The following DIAPH3 variants were observed in gnomAD, a reference collection of about 807,000 sequenced individuals.
DIAPH3 encodes the protein diaphanous related formin 3, also known as protein diaphanous homolog 3.
Under a neutral mutation model 144.3 loss-of-function variants are expected in DIAPH3, and 117 were observed. The ratio of observed to expected loss-of-function variants is 0.81; its 90% CI spans 0.70 to 0.95. The LOEUF (loss-of-function observed/expected upper bound fraction) is 0.95. Ranked by LOEUF, DIAPH3 falls within the 40% of genes least tolerant of loss-of-function variation. DIAPH3 has a pLI of 0.00. For missense variants in DIAPH3, 1,421 were observed against 1,412.7 expected, an observed-to-expected ratio of 1.01 and a Z score of -0.09; for synonymous variants, 519 against 488.9, an observed-to-expected ratio of 1.06 and a Z score of -0.81.
chr13:59,702,096 C>A (rs1402140361), intron 27 of DIAPH3, among the ~76,000 whole-genome samples: 1 of 152,162 alleles, frequency 6.6e-6, no homozygotes, highest in Non-Finnish European at 1.5e-5. Flanking sequence ...TCTCATCCAA[C>A]CTCAACGAAT....
chr13:60,047,347 A>G (rs894781591), intron 4 of DIAPH3, among the ~76,000 whole-genome samples: 14 of 152,188 alleles, frequency 9.2e-5, no homozygotes, highest in Admixed American at 3.3e-4. Flanking sequence ...TGAAAACTAC[A>G]TTCTAAAATT....
Position 59,691,147 on chromosome 13 carries a change from A to G in DIAPH3, c.3320-24301T>C, listed in dbSNP as rs576803437. On this transcript the variant is annotated intron_variant, in intron 27 of 27. Transcript: ENST00000400324. The stretch of plus-strand genomic sequence containing the variant: ...GAGAATGATGGCAGCAACACACAGG[A>G]AGGCAGGATGGCTGTTAATTATCAG... Among the ~76,000 whole-genome samples the G allele has an allele frequency of 3.3e-5, 5 of 152,262 alleles. No homozygotes were observed. The East Asian group carries it at 9.6e-4, about 29-fold the overall frequency.
At chr13:59,997,136 C>T (rs758897796) in intron 9 of DIAPH3, among the ~76,000 whole-genome samples, 3 of 151,996 alleles carry the variant, frequency 2.0e-5, no homozygotes, top group Non-Finnish European at 4.4e-5. Context: ...ATTCTGCTAT[C>T]AAACATTAAA....
At chr13:60,040,777 T>C (rs1456309209) in intron 5 of DIAPH3, among the ~76,000 whole-genome samples, 1 of 152,168 alleles carries the variant, frequency 6.6e-6, no homozygotes, top group Non-Finnish European at 1.5e-5. Context: ...TGAATCTGCT[T>C]TGTTTATTCA....
At chr13:59,729,306 T>C (rs1484953142) in intron 27 of DIAPH3, among the ~76,000 whole-genome samples, 1 of 152,156 alleles carries the variant, frequency 6.6e-6, no homozygotes, top group Non-Finnish European at 1.5e-5. Context: ...ATTGTCTCTT[T>C]TTTAGTCTAG....
chr13:59,810,862 A>G lies in DIAPH3; in HGVS notation c.3089T>C (p.Ile1030Thr). Residue 1030 changes from isoleucine (I) to threonine (T), a missense_variant, in exon 25 of 28, where the codon ATA becomes ACA. Transcript: ENST00000400324. Reference protein sequence around the residue: ...EAEEKEKRVRIAKELAERERL... With the variant: ...EAEEKEKRVRTAKELAERERL... ...TTCTCGCTCTGCTAATTCTTTAGCT[A>G]TTCTGACACGTTTTTCTTTTTCCTC... 6.2e-7 allele frequency: 1 copy of G among 1,613,276 alleles called. No homozygotes were observed. Among genetic ancestry groups the G allele is most frequent in the East Asian group, 2.2e-5 (1 of 44,806 alleles).
At chr13:60,102,795 G>T (rs965174570) in intron 3 of DIAPH3, among the ~76,000 whole-genome samples, 9 of 152,126 alleles carry the variant, frequency 5.9e-5, no homozygotes, top group African/African-American at 2.2e-4. Context: ...AGTAGTACCT[G>T]GTTGAGGAAT....
chr13:59,857,276 C>G (rs2043311806), intron 22 of DIAPH3, among the ~76,000 whole-genome samples: 1 of 151,918 alleles, frequency 6.6e-6, no homozygotes, highest in African/African-American at 2.4e-5. Flanking sequence ...TAAGTGCTCA[C>G]AGTAGGTGAA....
chr13:59,715,752 A>G (rs915092097), intron 27 of DIAPH3, among the ~76,000 whole-genome samples: 3 of 152,328 alleles, frequency 2.0e-5, no homozygotes, highest in Admixed American at 2.0e-4. Flanking sequence ...GTAACTTTGA[A>G]CAGGGCACAC....
intron 17 of DIAPH3, among the ~76,000 whole-genome samples, chr13:59,944,135 G>T (rs1248169720): frequency 6.6e-6 from 1 of 151,950 alleles, no homozygotes; most frequent in African/African-American, 2.4e-5. Flanking sequence ...GATCCCTTGA[G>T]CCCAGGAATT....
chr13:59,734,022 T>C (rs546664702), intron 27 of DIAPH3, among the ~76,000 whole-genome samples: 9 of 152,362 alleles, frequency 5.9e-5, no homozygotes, highest in African/African-American at 1.9e-4. Flanking sequence ...TTCAGAAATC[T>C]GGTTGATTTA....
chr13:59,833,337 A>G, intron 23 of DIAPH3, 66 bp from the exon 24 acceptor site: 1 of 1,301,508 alleles, frequency 7.7e-7, no homozygotes, highest in South Asian at 1.3e-5. Flanking sequence ...GGAACTCTGT[A>G]AATCCAATGT....
intron 27 of DIAPH3, among the ~76,000 whole-genome samples, chr13:59,733,266 T>G (rs976119535): frequency 1.3e-5 from 2 of 152,190 alleles, no homozygotes; most frequent in African/African-American, 4.8e-5. Context: ...TATGAAAATG[T>G]TCACTATTGA....
At chr13:59,989,039 A>T (rs952411134) in intron 12 of DIAPH3, among the ~76,000 whole-genome samples, 7 of 151,930 alleles carry the variant, frequency 4.6e-5, no homozygotes, top group African/African-American at 1.7e-4. Flanking sequence ...AACATTTAAC[A>T]TTCTGCAATA....
chr13:59,714,350 A>G, intron 27 of DIAPH3, among the ~76,000 whole-genome samples: 1 of 99,920 alleles, frequency 1.0e-5, no homozygotes, highest in Admixed American at 1.2e-4. Flanking sequence ...ACAGAGCGAG[A>G]CTCCGTCTCA....
intron 21 of DIAPH3, among the ~76,000 whole-genome samples, chr13:59,868,746 C>T (rs533061884): frequency 7.2e-5 from 11 of 152,260 alleles, no homozygotes; most frequent in Admixed American, 6.5e-4. Flanking sequence ...CTCAGAACCC[C>T]TGGCAACCAC....
intron 27 of DIAPH3, among the ~76,000 whole-genome samples, chr13:59,672,453 C>T (rs1038754271): frequency 1.3e-5 from 2 of 152,160 alleles, no homozygotes; most frequent in African/African-American, 2.4e-5. Flanking sequence ...CCTCGCAATT[C>T]TTTACCTTTT....
chr13:59,777,251 T>C (rs1453600606), intron 25 of DIAPH3, among the ~76,000 whole-genome samples: 2 of 152,156 alleles, frequency 1.3e-5, no homozygotes, highest in Admixed American at 6.6e-5. Flanking sequence ...GATTGAAACA[T>C]TGCCTTGGCC....
chr13:59,963,452 T>A (rs935906030), intron 17 of DIAPH3, among the ~76,000 whole-genome samples: 1 of 152,194 alleles, frequency 6.6e-6, no homozygotes, highest in African/African-American at 2.4e-5. Context: ...ATTTATTTGC[T>A]ATACTATTTA....
Sources: gnomAD v4.1 joint callset for allele counts (sites outside exome capture counted in the v4.1 genomes callset) on GRCh38, gnomAD v4.1.1 for gene constraint, MANE v1.5 for transcripts, NCBI Gene and HGNC (gene_info 2026-07-23, HGNC 2026-07-21) for gene names.